The following GRK5 variants were observed in gnomAD, a reference collection of about 807,000 sequenced individuals.
GRK5 encodes G protein-coupled receptor kinase 5, also known as g protein-coupled receptor kinase GRK5.
A neutral mutation model predicts 78.4 loss-of-function variants in GRK5; 40 were observed. That is an observed-to-expected ratio of 0.51 (90% CI 0.40 to 0.66). The LOEUF is 0.66. Among genes scored for constraint, GRK5 ranks in the 30% least tolerant of loss-of-function variants. The pLI is 0.00. For synonymous variants in GRK5, 289 were observed against 296.8 expected (o/e 0.97, Z 0.27); for missense variants, 598 against 759.9 (o/e 0.79, Z 2.50).
intron 1 of GRK5, among the ~76,000 whole-genome samples, chr10:119,223,484 T>G (rs1363004246): frequency 6.6e-6 from 1 of 152,072 alleles, no homozygotes; most frequent in Non-Finnish European, 1.5e-5. Context: ...GCGTGGGAAC[T>G]GCTGCTCTAT....
chr10:119,266,795 G>C (rs745704897), intron 1 of GRK5, among the ~76,000 whole-genome samples: 14 of 149,882 alleles, frequency 9.3e-5, no homozygotes, highest in Non-Finnish European at 1.9e-4. Flanking sequence ...TTTTTATGGA[G>C]ACAGGGTCTT....
At chr10:119,362,429 G>A (rs903504734) in intron 2 of GRK5, among the ~76,000 whole-genome samples, 5 of 152,260 alleles carry the variant, frequency 3.3e-5, no homozygotes, top group African/African-American at 7.2e-5. Context: ...TTCCTAATGT[G>A]TTGCCTCGAG....
At position 119,297,440 on chromosome 10, in the gene GRK5, C is replaced by T. The variant is rs142347441; in HGVS notation, c.53-29076C>T. 5.4e-3 allele frequency among the ~76,000 whole-genome samples: 817 copies of T among 152,306 alleles called. 8 individuals are homozygous for T. The highest frequency in any genetic ancestry group is 0.019 in the African/African-American group (769 of 41,556). On this transcript the variant is annotated intron_variant, in intron 1 of 15. Coordinates refer to ENST00000392870, the MANE Select transcript of GRK5 (RefSeq NM_005308.3). ...CTGTACAGAGGTCAGATGTCTCTCC[C>T]ATCCTCCACCAGGCTGCTCTGGCAA...
intron 2 of GRK5, among the ~76,000 whole-genome samples, chr10:119,359,602 G>T (rs1419823372): frequency 6.6e-6 from 1 of 152,216 alleles, no homozygotes; most frequent in Admixed American, 6.5e-5. Context: ...CAGATGCTGT[G>T]GCCCTGGCTG....
At chr10:119,227,494 C>T (rs748635083) in intron 1 of GRK5, among the ~76,000 whole-genome samples, 14 of 152,206 alleles carry the variant, frequency 9.2e-5, no homozygotes, top group Non-Finnish European at 1.3e-4. Context: ...CGCTTGAACC[C>T]GGGAGGCAGA....
At chr10:119,226,705 C>T (rs943643391) in intron 1 of GRK5, among the ~76,000 whole-genome samples, 3 of 151,364 alleles carry the variant, frequency 2.0e-5, no homozygotes, top group South Asian at 2.1e-4. Context: ...CTACCATGCC[C>T]GGCTTTTTTT....
chr10:119,366,183 C>A (rs1334192202), intron 2 of GRK5, among the ~76,000 whole-genome samples: 1 of 152,156 alleles, frequency 6.6e-6, no homozygotes, highest in Non-Finnish European at 1.5e-5. Flanking sequence ...CTTCTGGACC[C>A]CGGGGACTTT....
chr10:119,415,692 C>T (rs771763969), intron 4 of GRK5, among the ~76,000 whole-genome samples: 57 of 152,188 alleles, frequency 3.7e-4, no homozygotes, highest in Non-Finnish European at 7.4e-4. Flanking sequence ...TGGGGGCCAG[C>T]TGGTTTTGAC....
intron 1 of GRK5, among the ~76,000 whole-genome samples, chr10:119,248,305 C>T (rs187492672): frequency 3.9e-5 from 6 of 152,156 alleles, no homozygotes; most frequent in East Asian, 1.9e-4. Flanking sequence ...GAGCCACTAT[C>T]GCTGGCTGTT....
At chr10:119,429,089 C>T (rs112996328) in intron 6 of GRK5, among the ~76,000 whole-genome samples, 1 of 152,204 alleles carries the variant, frequency 6.6e-6, no homozygotes, top group Non-Finnish European at 1.5e-5. Context: ...TCCAGCCGCT[C>T]CTGTGCAGAA....
chr10:119,370,420 C>T (rs939244128), intron 2 of GRK5, among the ~76,000 whole-genome samples: 9 of 152,174 alleles, frequency 5.9e-5, no homozygotes, highest in Admixed American at 3.3e-4. Flanking sequence ...ACGAGAGGGA[C>T]GAATGGCACA....
chr10:119,357,260 G>T (rs1312447661), intron 2 of GRK5, among the ~76,000 whole-genome samples: 2 of 152,220 alleles, frequency 1.3e-5, no homozygotes, highest in Non-Finnish European at 1.5e-5. Flanking sequence ...AGTCACAAAT[G>T]GGGGGTAGGG....
intron 1 of GRK5, 129 bp downstream of exon 1, chr10:119,208,098 C>T (rs1848420039): frequency 1.2e-6 from 1 of 805,320 alleles, no homozygotes; most frequent in East Asian, 3.1e-5. Flanking sequence ...GCGAGCAGGA[C>T]ACTTCGGAGA....
chr10:119,218,297 A>C (rs1848608032), intron 1 of GRK5, among the ~76,000 whole-genome samples: 1 of 152,110 alleles, frequency 6.6e-6, no homozygotes, highest in Non-Finnish European at 1.5e-5. Flanking sequence ...TGTAGCTCTA[A>C]ACTTACCCAC....
chr10:119,308,115 G>A lies in GRK5; in HGVS notation c.53-18401G>A, dbSNP rs751108100. ...TATGCCCAGTGCGCCTTTGTAGGCC[G>A]AACCTGCAGGGTCAGAGCTGGGTCT... On this transcript the variant is annotated intron_variant, in intron 1 of 15. Transcript: ENST00000392870. Among the ~76,000 whole-genome samples, 87 of 152,240 alleles carry A rather than the reference G, an allele frequency of 5.7e-4. No individual in the cohort carries two copies. In the Middle Eastern group the frequency reaches 0.014, roughly 24 times the overall value.
intron 1 of GRK5, among the ~76,000 whole-genome samples, chr10:119,315,838 C>T (rs560940117): frequency 5.3e-5 from 8 of 152,286 alleles, no homozygotes; most frequent in East Asian, 3.9e-4. Flanking sequence ...GATTCAGTTG[C>T]GTTGAGAGCA....
chr10:119,269,373 AC>A (rs1457470101), intron 1 of GRK5, among the ~76,000 whole-genome samples: 1 of 152,136 alleles, frequency 6.6e-6, no homozygotes, highest in Non-Finnish European at 1.5e-5. Context: ...TTTCCTGAGG[AC>A]GTCCTATAGT....
chr10:119,371,494 C>T (rs75493325), intron 2 of GRK5, among the ~76,000 whole-genome samples: 8 of 152,300 alleles, frequency 5.3e-5, no homozygotes, highest in East Asian at 1.9e-4. Flanking sequence ...TTTCTCAGTC[C>T]GCTGGGGGTA....
rs80188914 is a variant in GRK5, at chr10:119,271,756, G to A, written c.53-54760G>A. On this transcript the variant is annotated intron_variant, in intron 1 of 15. Transcript: ENST00000392870. This position sits in a 1 kb window ranked among gnomAD's most constrained non-coding sequence, Gnocchi z 4.1. ...TTTAGCAGCAGGTGGACTCTGGAGC[G>A]TGACTCTGGAGTTGCCAGTCCCAGC... Among the ~76,000 whole-genome samples, 3,051 of 152,336 alleles carry A rather than the reference G, an allele frequency of 0.02. 60 individuals are homozygous for A. Among genetic ancestry groups the A allele is most frequent in the Admixed American group, 0.053 (807 of 15,296 alleles).
Sources: gnomAD v4.1 joint callset for allele counts (sites outside exome capture counted in the v4.1 genomes callset) on GRCh38, gnomAD v4.1.1 for gene constraint, Gnocchi (gnomAD v3.1) non-coding constraint, MANE v1.5 for transcripts, NCBI Gene and HGNC (gene_info 2026-07-23, HGNC 2026-07-21) for gene names.